The following ABLIM2 variants were observed in gnomAD, a reference collection of about 807,000 sequenced individuals.
ABLIM2 encodes actin-binding LIM protein 2.
A neutral mutation model predicts 97.7 loss-of-function variants in ABLIM2; 53 were observed. The ratio of observed to expected loss-of-function variants is 0.54; its 90% CI spans 0.44 to 0.68. The LOEUF is 0.68. Among genes scored for constraint, ABLIM2 ranks in the 30% least tolerant of loss-of-function variants. The pLI is 0.00. For missense variants in ABLIM2, 835 were observed against 867.2 expected (o/e 0.96, Z 0.47); for synonymous variants, 361 against 345.8 (o/e 1.04, Z -0.49).
Position 8,148,469 on chromosome 4 carries a change from G to A in ABLIM2, c.10+10211C>T, listed in dbSNP as rs934978893. ...GGAGTGCGGGTTCTGCAGCTGGCAC[G>A]GTGCTTCTCAGCCGAATCACCTCGG... On this transcript the variant is annotated intron_variant, in intron 1 of 20. Coordinates refer to ENST00000447017, the MANE Select transcript of ABLIM2 (RefSeq NM_001130083.2). This position sits in a 1 kb window ranked among gnomAD's most constrained non-coding sequence, Gnocchi z 6.7. Among the ~76,000 whole-genome samples the A allele has an allele frequency of 1.8e-4, 28 of 152,262 alleles. No homozygotes were observed. The highest frequency in any genetic ancestry group is 1.8e-3 in the Admixed American group (27 of 15,306).
intron 16 of ABLIM2, among the ~76,000 whole-genome samples, chr4:7,997,791 C>A (rs939038359): frequency 6.6e-6 from 1 of 152,148 alleles, no homozygotes; most frequent in Non-Finnish European, 1.5e-5. Flanking sequence ...CTTGTTGAAG[C>A]ATTTTTTAGT....
rs1012841149 is a variant in ABLIM2, at chr4:8,125,937, C to T, written c.11-19300G>A. The stretch of plus-strand genomic sequence containing the variant: ...CTTTTGGGAACACACCTGCATGTCT[C>T]CTTTTTTGGTTCACAACACCCTGGG... On this transcript the variant is annotated intron_variant, in intron 1 of 20. Transcript: ENST00000447017. This position sits in a 1 kb window ranked among gnomAD's most constrained non-coding sequence, Gnocchi z 6.2. Among the ~76,000 whole-genome samples, 5 of 152,208 alleles carry T rather than the reference C, an allele frequency of 3.3e-5. No homozygotes were observed. The highest frequency in any genetic ancestry group is 7.3e-5 in the Non-Finnish European group (5 of 68,040).
At chr4:8,115,636 G>C (rs1435590032) in intron 1 of ABLIM2, among the ~76,000 whole-genome samples, 5 of 152,216 alleles carry the variant, frequency 3.3e-5, no homozygotes, top group Non-Finnish European at 5.9e-5. Context: ...CGGGCTGTCT[G>C]AGCAAAGCCC....
At position 7,992,771 on chromosome 4, in the gene ABLIM2, T is replaced by C; in HGVS notation, c.1680+95A>G. Reference sequence around the variant, plus strand: ...GGTGGGCCGCGGGGTCCCCGGGGCCTCTCCTCCTGCTGTGTGGTCAAGAAG... The same window carrying C: ...GGTGGGCCGCGGGGTCCCCGGGGCCCCTCCTCCTGCTGTGTGGTCAAGAAG... On this transcript the variant is annotated intron_variant, in intron 17 of 20. Transcript: ENST00000447017. This position sits in a 1 kb window ranked among gnomAD's most constrained non-coding sequence, Gnocchi z 5.7. The C allele has an allele frequency of 7.0e-7, 1 of 1,422,710 alleles. No individual in the cohort carries two copies. Among genetic ancestry groups the C allele is most frequent in the Non-Finnish European group, 9.7e-7 (1 of 1,029,582 alleles). The allele number at this position is 1,422,710 out of a possible 1,614,324, so 88.1% of individuals were successfully genotyped here.
chr4:8,030,551 C>T (rs1160845843), intron 10 of ABLIM2, among the ~76,000 whole-genome samples: 2 of 152,224 alleles, frequency 1.3e-5, no homozygotes, highest in South Asian at 4.1e-4. Context: ...GCACGTCTCC[C>T]ACCCCGAGGT....
In ABLIM2 at chr4:8,027,718, C is replaced by T; in HGVS notation, c.1267+41G>A. On this transcript the variant is annotated intron_variant, in intron 12 of 20. Transcript: ENST00000447017. ...CGAGCACACAGACGCCGGGCGTGGA[C>T]ACCCATGAGCACCCACAGCCCACAT... 3 of 1,451,328 alleles carry T rather than the reference C, an allele frequency of 2.1e-6. No homozygotes were observed. The South Asian group carries it at 4.3e-5, about 21-fold the overall frequency. The allele number at this position is 1,451,328 out of a possible 1,614,324, so 89.9% of individuals were successfully genotyped here.
chr4:8,096,499 C>T (rs1192406436), intron 3 of ABLIM2, among the ~76,000 whole-genome samples: 1 of 152,210 alleles, frequency 6.6e-6, no homozygotes, highest in Non-Finnish European at 1.5e-5. Flanking sequence ...TCATCGTCAC[C>T]TCCTGTCCTT....
intron 1 of ABLIM2, among the ~76,000 whole-genome samples, chr4:8,154,892 C>T (rs903129047): frequency 3.3e-5 from 5 of 152,192 alleles, no homozygotes; most frequent in Admixed American, 6.5e-5. Flanking sequence ...GCAATCATGG[C>T]GGAAGACGAA....
Position 8,095,727 on chromosome 4 carries a change from T to C in ABLIM2, c.338+1372A>G, listed in dbSNP as rs1255373288. ...TCGTTTTGTGCTTTGGTAGAGCAGG[T>C]TCACTGTAGCCTTCGCTCTAGGGCT... On this transcript the variant is annotated intron_variant, in intron 3 of 20. Coordinates refer to ENST00000447017, the MANE Select transcript of ABLIM2 (RefSeq NM_001130083.2). This position sits in a 1 kb window ranked among gnomAD's most constrained non-coding sequence, Gnocchi z 4.7. Among the ~76,000 whole-genome samples the C allele has an allele frequency of 6.6e-6, 1 of 152,074 alleles. No individual in the cohort carries two copies. The highest frequency in any genetic ancestry group is 1.9e-4 in the East Asian group (1 of 5,182).
intron 1 of ABLIM2, among the ~76,000 whole-genome samples, chr4:8,116,798 T>C (rs1033806547): frequency 2.8e-5 from 4 of 143,226 alleles, no homozygotes; most frequent in African/African-American, 5.1e-5. Context: ...GCAGCTTCCC[T>C]GCTCTGGAGA....
intron 17 of ABLIM2, among the ~76,000 whole-genome samples, chr4:7,989,035 G>A (rs78180657): frequency 0.042 from 5,895 of 139,620 alleles, 227 homozygotes; most frequent in African/African-American, 0.11. Flanking sequence ...TAATTTTTCT[G>A]TGTACATTTA....
At chr4:8,065,454 G>A (rs1806442758) in intron 6 of ABLIM2, among the ~76,000 whole-genome samples, 1 of 152,220 alleles carries the variant, frequency 6.6e-6, no homozygotes, top group African/African-American at 2.4e-5. Flanking sequence ...AAGAAAAGGT[G>A]TTGGTGAGGA....
At chr4:8,080,034 C>G (rs796745073) in intron 5 of ABLIM2, among the ~76,000 whole-genome samples, 1 of 152,168 alleles carries the variant, frequency 6.6e-6, no homozygotes, top group African/African-American at 2.4e-5. Flanking sequence ...GGGTTAAAAC[C>G]GACCCCCAGC....
intron 6 of ABLIM2, among the ~76,000 whole-genome samples, chr4:8,076,424 C>A (rs576959030): frequency 6.6e-6 from 1 of 152,286 alleles, no homozygotes; most frequent in Non-Finnish European, 1.5e-5. Flanking sequence ...TCCAGACTGG[C>A]CTCTGCGGCA....
At chr4:8,031,458 T>C (rs1385827889) in intron 10 of ABLIM2, among the ~76,000 whole-genome samples, 2 of 152,172 alleles carry the variant, frequency 1.3e-5, no homozygotes, top group South Asian at 2.1e-4. Flanking sequence ...CACCGGTACA[T>C]AGGAATCACT....
chr4:8,114,445 C>T (rs1005297944), intron 1 of ABLIM2, among the ~76,000 whole-genome samples: 10 of 152,186 alleles, frequency 6.6e-5, no homozygotes, highest in African/African-American at 2.2e-4. Context: ...TACAGTGTGT[C>T]CCCTCCCTCA....
intron 20 of ABLIM2, among the ~76,000 whole-genome samples, chr4:7,978,345 T>A (rs1220337241): frequency 6.6e-6 from 1 of 152,184 alleles, no homozygotes; most frequent in Non-Finnish European, 1.5e-5. Context: ...TTCTTGGAAA[T>A]CTGAGTGATT....
chr4:8,132,699 C>T lies in ABLIM2; in HGVS notation c.10+25981G>A, dbSNP rs542403332. 6.6e-6 allele frequency among the ~76,000 whole-genome samples: 1 copy of T among 152,204 alleles called. No homozygotes were observed. Among genetic ancestry groups the T allele is most frequent in the African/African-American group, 2.4e-5 (1 of 41,454 alleles). ...TTCCCTCGGGTGACTCAGTCCTGGG[C>T]CTGCAACAGGCCCCAACACTCCAGA... is the stretch of plus-strand genomic sequence containing the variant. On this transcript the variant is annotated intron_variant, in intron 1 of 20. Transcript: ENST00000447017. This position sits in a 1 kb window ranked among gnomAD's most constrained non-coding sequence, Gnocchi z 8.0.
At chr4:8,006,272 C>T (rs1761235706) in intron 16 of ABLIM2, among the ~76,000 whole-genome samples, 1 of 152,244 alleles carries the variant, frequency 6.6e-6, no homozygotes, top group Non-Finnish European at 1.5e-5. Flanking sequence ...TTCTCCCACA[C>T]AGCACCCCCC....
Sources: allele counts gnomAD v4.1 joint callset (sites outside exome capture counted in the v4.1 genomes callset), GRCh38; gene constraint gnomAD v4.1.1; non-coding constraint Gnocchi (gnomAD v3.1); transcripts MANE v1.5; gene names NCBI Gene and HGNC (gene_info 2026-07-23, HGNC 2026-07-21).